PHACTR1: variants seen among roughly 807,000 people sequenced by gnomAD.
The protein encoded by PHACTR1 is RPEL repeat containing 1.
In PHACTR1, 16 loss-of-function variants were observed where a neutral mutation model predicts 69.2. The ratio of observed to expected loss-of-function variants is 0.23; its 90% CI spans 0.16 to 0.35. PHACTR1 has a LOEUF of 0.35. Ranked by LOEUF, PHACTR1 falls within the 10% of genes least tolerant of loss-of-function variation. The probability of loss-of-function intolerance (pLI) is 1.00; values close to 1 mark genes in which losing one functional copy is unlikely to be tolerated. For synonymous variants in PHACTR1, 312 were observed against 284.5 expected, an observed-to-expected ratio of 1.10 and a Z score of -0.97; for missense variants, 510 against 734.7, an observed-to-expected ratio of 0.69 and a Z score of 3.54.
chr6:12,997,805 T>G (rs1397925965), intron 4 of PHACTR1, among the ~76,000 whole-genome samples: 1 of 151,974 alleles, frequency 6.6e-6, no homozygotes, highest in African/African-American at 2.4e-5. Context: ...ATAGCAAAAT[T>G]AGCCGGGCAC....
chr6:12,912,911 G>A, intron 4 of PHACTR1, among the ~76,000 whole-genome samples: 1 of 152,150 alleles, frequency 6.6e-6, no homozygotes, highest in East Asian at 1.9e-4. Flanking sequence ...CTGAGATTAT[G>A]CCACTGCACT....
chr6:12,795,434 G>T (rs1772856462), intron 4 of PHACTR1, among the ~76,000 whole-genome samples: 1 of 152,090 alleles, frequency 6.6e-6, no homozygotes, highest in Admixed American at 6.6e-5. Context: ...TATGTTAAAA[G>T]GATAAAGACA....
intron 4 of PHACTR1, among the ~76,000 whole-genome samples, chr6:12,973,916 A>ATTTTTTTTTTT (rs33948457): frequency 2.2e-5 from 2 of 92,866 alleles, no homozygotes; most frequent in African/African-American, 4.4e-5. Flanking sequence ...AGAGGCTGGG[A>ATTTTTTTTTTT]TTTTTTTTTT....
At chr6:12,874,507 C>T (rs1782356329) in intron 4 of PHACTR1, among the ~76,000 whole-genome samples, 1 of 152,186 alleles carries the variant, frequency 6.6e-6, no homozygotes, top group Admixed American at 6.5e-5. Context: ...ACCGTAGACA[C>T]CCTAGGACTT....
chr6:13,046,969 C>T (rs992601077), intron 4 of PHACTR1, among the ~76,000 whole-genome samples: 40 of 152,142 alleles, frequency 2.6e-4, no homozygotes, highest in Admixed American at 9.8e-4. Flanking sequence ...CCTGATAATT[C>T]ATATCAACCC....
At chr6:13,052,363 G>A (rs1156475243) in intron 4 of PHACTR1, among the ~76,000 whole-genome samples, 1 of 152,238 alleles carries the variant, frequency 6.6e-6, no homozygotes, top group Non-Finnish European at 1.5e-5. Context: ...ATAGGTTGCA[G>A]AAGTCTGGAT....
At chr6:13,102,348 G>A (rs551428367) in intron 5 of PHACTR1, among the ~76,000 whole-genome samples, 54 of 152,214 alleles carry the variant, frequency 3.5e-4, no homozygotes, top group African/African-American at 1.2e-3. Context: ...GGGAGTTTCT[G>A]GGTTTTTGGA....
At chr6:13,027,590 A>T (rs1801876781) in intron 4 of PHACTR1, among the ~76,000 whole-genome samples, 1 of 152,162 alleles carries the variant, frequency 6.6e-6, no homozygotes, top group Non-Finnish European at 1.5e-5. Context: ...TCTATGGTTC[A>T]ATGTTGAGGT....
rs1442691201 is a variant in PHACTR1 at position 12,826,941 on chromosome 6, A to G, written c.250+77151A>G. On this transcript the variant is annotated intron_variant, in intron 4 of 14. Coordinates refer to ENST00000332995, the MANE Select transcript of PHACTR1 (RefSeq NM_030948.6). ...TTAACACTCTTAAGAATTGAATGCT[A>G]AGAACATCCTAATAACCACCCAAAT... Among the ~76,000 whole-genome samples the G allele has an allele frequency of 1.3e-5, 2 of 152,198 alleles. 1 individual carries two copies. Among genetic ancestry groups the G allele is most frequent in the Admixed American group, 1.3e-4 (2 of 15,274 alleles).
At chr6:13,097,204 A>C (rs1814400147) in intron 5 of PHACTR1, among the ~76,000 whole-genome samples, 2 of 152,292 alleles carry the variant, frequency 1.3e-5, no homozygotes, top group South Asian at 4.1e-4. Context: ...AAGGAATACT[A>C]TTTCTAGATC....
Position 13,023,832 on chromosome 6 carries a change from T to G in PHACTR1, c.251-29533T>G, listed in dbSNP as rs150279765. ...TGGCTCATGCCTGTAATCCCAGCAC[T>G]TTGAGAGGCCGAAGCAGGCAGATTA... On this transcript the variant is annotated intron_variant, in intron 4 of 14. Coordinates refer to ENST00000332995, the MANE Select transcript of PHACTR1 (RefSeq NM_030948.6). 3.9e-4 allele frequency among the ~76,000 whole-genome samples: 59 copies of G among 152,282 alleles called. No homozygotes were observed. The East Asian group carries it at 0.011, about 28-fold the overall frequency.
chr6:13,203,516 C>T (rs1765507691), intron 7 of PHACTR1, among the ~76,000 whole-genome samples: 2 of 152,290 alleles, frequency 1.3e-5, no homozygotes, highest in Admixed American at 1.3e-4. Context: ...TGTCGTCATT[C>T]CTGCTATCAT....
intron 5 of PHACTR1, among the ~76,000 whole-genome samples, chr6:13,067,358 A>G (rs1326420776): frequency 6.6e-6 from 1 of 152,242 alleles, no homozygotes. Context: ...TTTCAGATCC[A>G]TGAGGGTGGA....
At position 13,228,011 on chromosome 6, in the gene PHACTR1, AGAAGAGGAG is replaced by A. The variant is rs768967550; in HGVS notation, c.1194_1202del (p.Glu399_Glu401del). The A allele has an allele frequency of 2.4e-5, 39 of 1,613,892 alleles. No homozygotes were observed. In the Middle Eastern group the frequency reaches 4.9e-4, roughly 20 times the overall value. Reference sequence around the variant, plus strand: ...AAGACTCTTCTTGCCTGTATACAAGAGAAGAGGAGGAAGAGGAGGAGGACGAAGACGACG... The same window carrying A: ...AAGACTCTTCTTGCCTGTATACAAGAGAAGAGGAGGAGGACGAAGACGACG... On this transcript the variant is annotated inframe_deletion, in exon 9 of 15. Transcript: ENST00000332995.
intron 4 of PHACTR1, among the ~76,000 whole-genome samples, chr6:13,021,232 A>G (rs911335598): frequency 6.6e-6 from 1 of 152,172 alleles, no homozygotes; most frequent in African/African-American, 2.4e-5. Flanking sequence ...TATTCTGGAC[A>G]TTTCACATAA....
At chr6:13,022,481 AC>A (rs1801112539) in intron 4 of PHACTR1, among the ~76,000 whole-genome samples, 1 of 152,218 alleles carries the variant, frequency 6.6e-6, no homozygotes, top group Non-Finnish European at 1.5e-5. Flanking sequence ...AATTCATGAC[AC>A]AAGATACTTA....
intron 4 of PHACTR1, among the ~76,000 whole-genome samples, chr6:13,047,804 C>G (rs537739255): frequency 6.6e-6 from 1 of 152,074 alleles, no homozygotes; most frequent in African/African-American, 2.4e-5. Context: ...AGCAGAAAGC[C>G]AAGGTGATGC....
chr6:13,051,924 G>C, intron 4 of PHACTR1, among the ~76,000 whole-genome samples: 1 of 152,128 alleles, frequency 6.6e-6, no homozygotes, highest in East Asian at 1.9e-4. Context: ...CCAGTGCACT[G>C]AACCAGGTAG....
Position 13,047,377 on chromosome 6 carries a change from CAAAAAAAAAAAAAAA to C in PHACTR1, c.251-5977_251-5963del, listed in dbSNP as rs35293642. ...TGGGTGACAGAGCAAAACCCTGTCT[CAAAAAAAAAAAAAAA>C]AAAAAAAAAAGGCAGTGCTGCTGCT... On this transcript the variant is annotated intron_variant, in intron 4 of 14. Transcript: ENST00000332995. Among the ~76,000 whole-genome samples, 6 of 54,792 alleles carry C rather than the reference CAAAAAAAAAAAAAAA, an allele frequency of 1.1e-4. No individual in the cohort carries two copies. The South Asian group carries it at 3.7e-3, about 33-fold the overall frequency. The allele number at this position is 54,792 out of a possible 152,430, so 35.9% of individuals were successfully genotyped here. A position where few individuals can be genotyped will look rare whatever the true frequency, so the allele number is the denominator to read the frequency against.
Sources: allele counts gnomAD v4.1 joint callset (sites outside exome capture counted in the v4.1 genomes callset), GRCh38; gene constraint gnomAD v4.1.1; transcripts MANE v1.5; gene names NCBI Gene and HGNC (gene_info 2026-07-23, HGNC 2026-07-21).